Variants in CNBD1 observed in about 807,000 individuals in gnomAD.
The protein encoded by CNBD1 is cyclic nucleotide-binding domain-containing protein 1.
Under a neutral mutation model 54.4 loss-of-function variants are expected in CNBD1, and 71 were observed. That is an observed-to-expected ratio of 1.30 (90% CI 1.08 to 1.59). The LOEUF (loss-of-function observed/expected upper bound fraction) is 1.59, where lower values mean the gene tolerates loss of function less well. Ranked by LOEUF, CNBD1 falls within the 40% of genes most tolerant of loss-of-function variation. CNBD1 has a pLI of 0.00. For synonymous variants in CNBD1, 182 were observed against 170.7 expected, an observed-to-expected ratio of 1.07 and a Z score of -0.51; for missense variants, 659 against 518.0, an observed-to-expected ratio of 1.27 and a Z score of -2.64.
chr8:87,209,434 T>C (rs1460877273), intron 5 of CNBD1, among the ~76,000 whole-genome samples: 1 of 151,882 alleles, frequency 6.6e-6, no homozygotes, highest in Non-Finnish European at 1.5e-5. Context: ...TGAATAACAA[T>C]AAAAAATTAC....
At chr8:87,262,841 C>G (rs1040671399) in intron 6 of CNBD1, among the ~76,000 whole-genome samples, 2 of 152,094 alleles carry the variant, frequency 1.3e-5, no homozygotes, top group African/African-American at 4.8e-5. Flanking sequence ...CTTTTATAGA[C>G]AGTTTTAACA....
chr8:87,412,256 ATG>A (rs1393604344), intron 2 of CNBD1, among the ~76,000 whole-genome samples: 1 of 152,118 alleles, frequency 6.6e-6, no homozygotes. Flanking sequence ...TTGATATATC[ATG>A]TGTTTTGGTA....
chr8:87,034,863 T>C (rs529302124), intron 4 of CNBD1, among the ~76,000 whole-genome samples: 1 of 152,260 alleles, frequency 6.6e-6, no homozygotes, highest in South Asian at 2.1e-4. Context: ...ACTATATACA[T>C]ATATATAGAT....
intron 2 of CNBD1, among the ~76,000 whole-genome samples, chr8:87,427,830 A>C (rs776673243): frequency 9.2e-5 from 14 of 152,112 alleles, no homozygotes; most frequent in Non-Finnish European, 1.9e-4. Flanking sequence ...CATGCATTCA[A>C]GATGCTGCTG....
intron 10 of CNBD1, among the ~76,000 whole-genome samples, chr8:87,358,846 C>G (rs1248045091): frequency 1.3e-5 from 2 of 152,062 alleles, no homozygotes; most frequent in African/African-American, 2.4e-5. Flanking sequence ...ACCAGGAATC[C>G]TGGTATTCAA....
At chr8:87,193,636 A>G (rs552523286) in intron 4 of CNBD1, among the ~76,000 whole-genome samples, 2 of 152,310 alleles carry the variant, frequency 1.3e-5, no homozygotes, top group East Asian at 3.9e-4. Context: ...GCAATTTTCC[A>G]TGAATGAAGT....
At chr8:87,184,896 T>G (rs999121880) in intron 4 of CNBD1, among the ~76,000 whole-genome samples, 2 of 152,224 alleles carry the variant, frequency 1.3e-5, no homozygotes, top group African/African-American at 4.8e-5. Context: ...CTATTTTAGT[T>G]GCATCTCCAA....
At chr8:87,217,217 T>C in intron 5 of CNBD1, among the ~76,000 whole-genome samples, 1 of 152,096 alleles carries the variant, frequency 6.6e-6, no homozygotes, top group Non-Finnish European at 1.5e-5. Context: ...AAAAATGTGA[T>C]TATATGGCAC....
At chr8:87,373,323 A>G (rs933333063) in intron 10 of CNBD1, among the ~76,000 whole-genome samples, 1 of 151,816 alleles carries the variant, frequency 6.6e-6, no homozygotes, top group Non-Finnish European at 1.5e-5. Flanking sequence ...TCACTTAGGT[A>G]ATATTGAAAT....
intron 4 of CNBD1, among the ~76,000 whole-genome samples, chr8:86,975,820 T>G (rs1049587010): frequency 6.6e-6 from 1 of 152,002 alleles, no homozygotes; most frequent in Non-Finnish European, 1.5e-5. Flanking sequence ...TTCCAAAATG[T>G]CTGTCATAAT....
intron 8 of CNBD1, among the ~76,000 whole-genome samples, chr8:87,313,600 T>C (rs577354907): frequency 3.7e-4 from 56 of 152,072 alleles, no homozygotes; most frequent in African/African-American, 1.3e-3. Context: ...TCATTCTGTG[T>C]CCTGCATAAC....
At chr8:86,961,554 A>G (rs1217920756) in intron 4 of CNBD1, among the ~76,000 whole-genome samples, 1 of 152,180 alleles carries the variant, frequency 6.6e-6, no homozygotes, top group Non-Finnish European at 1.5e-5. Flanking sequence ...AGACCTCAGA[A>G]CCTCTGCCAA....
intron 2 of CNBD1, among the ~76,000 whole-genome samples, chr8:87,400,020 T>G (rs2130976502): frequency 6.6e-6 from 1 of 151,956 alleles, no homozygotes; most frequent in Non-Finnish European, 1.5e-5. Flanking sequence ...AAATACATGT[T>G]GTCTAATTCA....
chr8:87,358,609 C>T (rs115811279), intron 10 of CNBD1, among the ~76,000 whole-genome samples: 11 of 151,918 alleles, frequency 7.2e-5, no homozygotes, highest in East Asian at 1.9e-4. Context: ...ATACAAGAGG[C>T]GATCTATTAT....
At chr8:87,354,107 G>T (rs1238769763) in intron 10 of CNBD1, among the ~76,000 whole-genome samples, 1 of 152,088 alleles carries the variant, frequency 6.6e-6, no homozygotes, top group Non-Finnish European at 1.5e-5. Context: ...ACTGAAGTTG[G>T]AGAACCCAGG....
intron 8 of CNBD1, among the ~76,000 whole-genome samples, chr8:87,318,297 G>T (rs1809443405): frequency 6.6e-6 from 1 of 151,810 alleles, no homozygotes; most frequent in South Asian, 2.1e-4. Flanking sequence ...ACTTTGTTGG[G>T]TGCTGGATTA....
At chr8:87,375,104 G>A (rs1810899874) in intron 10 of CNBD1, among the ~76,000 whole-genome samples, 1 of 151,722 alleles carries the variant, frequency 6.6e-6, no homozygotes, top group African/African-American at 2.4e-5. Flanking sequence ...GAAAATATAT[G>A]TGCATAAAGA....
At chr8:87,428,647 C>T (rs578130509) in intron 3 of CNBD1, 1 of 446,628 alleles carries the variant, frequency 2.2e-6, no homozygotes, top group South Asian at 1.6e-5. Flanking sequence ...ATAAATGTCA[C>T]TCTTCATAGT....
chr8:87,330,407 C>T (rs1047703315), intron 8 of CNBD1, among the ~76,000 whole-genome samples: 8 of 151,640 alleles, frequency 5.3e-5, no homozygotes, highest in African/African-American at 1.9e-4. Context: ...TTAATTTCTT[C>T]TTCCTTTCTT....
Sources: allele counts gnomAD v4.1 joint callset (sites outside exome capture counted in the v4.1 genomes callset), GRCh38; gene constraint gnomAD v4.1.1; transcripts MANE v1.5; gene names NCBI Gene and HGNC (gene_info 2026-07-23, HGNC 2026-07-21).